Variants in AKAP13 observed in about 807,000 individuals in gnomAD.
AKAP13 encodes the protein A-kinase anchor protein 13.
AKAP13 carries 80 observed loss-of-function variants against 264.5 expected under a neutral mutation model. The ratio of observed to expected loss-of-function variants is 0.30; its 90% CI spans 0.25 to 0.36. AKAP13 has a LOEUF of 0.36. Ranked by LOEUF, AKAP13 falls within the 10% of genes least tolerant of loss-of-function variation. The pLI is 1.00. For synonymous variants in AKAP13, 1,380 were observed against 1,250.2 expected, an observed-to-expected ratio of 1.10 and a Z score of -2.19; for missense variants, 3,712 against 3,435.2, an observed-to-expected ratio of 1.08 and a Z score of -2.01.
rs555551831 is a variant in AKAP13, at chr15:85,515,841, CT to C, written c.34-5577del. On this transcript the variant is annotated intron_variant, in intron 2 of 36. Coordinates refer to ENST00000394518, the MANE Select transcript of AKAP13 (RefSeq NM_007200.5). ...GCTTATTTCTCTATGGTTATTTTTC[CT>C]TTTTTTTTTAAATCATTTGATTCAG... Among the ~76,000 whole-genome samples, 24 of 131,340 alleles carry C rather than the reference CT, an allele frequency of 1.8e-4. 1 individual carries two copies. Among genetic ancestry groups the C allele is most frequent in the Admixed American group, 7.7e-4 (10 of 13,042 alleles). 86.2% of individuals were successfully genotyped at this position (131,340 alleles called of 152,430 possible). A position where few individuals can be genotyped will look rare whatever the true frequency, so the allele number is the denominator to read the frequency against.
intron 1 of AKAP13, among the ~76,000 whole-genome samples, chr15:85,434,829 A>G (rs1377368269): frequency 6.7e-6 from 1 of 149,254 alleles, no homozygotes; most frequent in Non-Finnish European, 1.5e-5. Context: ...GTACATCACC[A>G]TCATCAAAGA....
intron 8 of AKAP13, among the ~76,000 whole-genome samples, chr15:85,626,768 T>C (rs1329338202): frequency 2.0e-5 from 3 of 152,216 alleles, no homozygotes; most frequent in Non-Finnish European, 2.9e-5. Context: ...AGAAGTGGAA[T>C]TGCTGGATCA....
At chr15:85,633,276 T>C (rs1225517512) in intron 8 of AKAP13, among the ~76,000 whole-genome samples, 3 of 151,712 alleles carry the variant, frequency 2.0e-5, no homozygotes, top group Non-Finnish European at 2.9e-5. Flanking sequence ...TCTTTACTTA[T>C]CACTAAAGAA....
At chr15:85,666,600 G>A (rs1350553921) in intron 13 of AKAP13, among the ~76,000 whole-genome samples, 1 of 152,138 alleles carries the variant, frequency 6.6e-6, no homozygotes, top group African/African-American at 2.4e-5. Flanking sequence ...CCATACTGGA[G>A]TGCAGTGGTG....
At position 85,718,250 on chromosome 15, in the gene AKAP13, T is replaced by C. The variant is rs2087068291; in HGVS notation, c.6001+91T>C. 5.4e-6 allele frequency: 8 copies of C among 1,471,498 alleles called. No homozygotes were observed. The highest frequency in any genetic ancestry group is 7.4e-6 in the Non-Finnish European group (8 of 1,077,842). The allele number at this position is 1,471,498 out of a possible 1,614,324, so 91.2% of individuals were successfully genotyped here. A position where few individuals can be genotyped will look rare whatever the true frequency, so the allele number is the denominator to read the frequency against. ...TTGTTGGACTATGAAAAATCAGTTTTTTAGTATGTGGCTTCTTGAAAAGAT... is the reference window on the plus strand; with the variant it reads ...TTGTTGGACTATGAAAAATCAGTTTCTTAGTATGTGGCTTCTTGAAAAGAT... On this transcript the variant is annotated intron_variant, in intron 22 of 36. Transcript: ENST00000394518. This position sits in a 1 kb window ranked among gnomAD's most constrained non-coding sequence, Gnocchi z 4.9.
chr15:85,498,776 G>A (rs1160624864), intron 2 of AKAP13, among the ~76,000 whole-genome samples: 1 of 152,136 alleles, frequency 6.6e-6, no homozygotes, highest in African/African-American at 2.4e-5. Context: ...CTGGCTCTTG[G>A]TGTGAGGTCC....
rs952593538 is a variant in AKAP13 at position 85,514,580 on chromosome 15, A to T, written c.34-6848A>T. Among the ~76,000 whole-genome samples, 5 of 138,208 alleles carry T rather than the reference A, an allele frequency of 3.6e-5. 1 individual carries two copies. The highest frequency in any genetic ancestry group is 7.7e-5 in the Non-Finnish European group (5 of 64,730). 90.7% of individuals were successfully genotyped at this position (138,208 alleles called of 152,430 possible). ...TTAGTGACCAATGCCTGTACACTAG[A>T]TAATATTCATTGCTACTGAGTGTTC... On this transcript the variant is annotated intron_variant, in intron 2 of 36. Transcript: ENST00000394518.
chr15:85,399,511 A>AAAAAAAAAT (rs2071293390), intron 1 of AKAP13, among the ~76,000 whole-genome samples: 1 of 76,494 alleles, frequency 1.3e-5, no homozygotes, highest in African/African-American at 4.0e-5. Flanking sequence ...TCAAAAAAAA[A>AAAAAAAAAT]AAAAAAAAAA....
At position 85,742,588 on chromosome 15, in the gene AKAP13, T is replaced by C. The variant is rs530202927; in HGVS notation, c.8059-904T>C. On this transcript the variant is annotated intron_variant, in intron 35 of 36. Transcript: ENST00000394518. The stretch of plus-strand genomic sequence containing the variant: ...CATAGTTCCTGATTTGCCTCTCTAC[T>C]GCTGATGAAAAACCTCTCTTTCTCT... Among the ~76,000 whole-genome samples the C allele has an allele frequency of 6.8e-4, 104 of 152,366 alleles. 1 individual carries two copies. The highest frequency in any genetic ancestry group is 2.4e-3 in the African/African-American group (101 of 41,584).
Position 85,615,076 on chromosome 15 carries a change from A to G in AKAP13, c.4162-24298A>G, listed in dbSNP as rs567142582. 2.6e-5 allele frequency among the ~76,000 whole-genome samples: 4 copies of G among 152,238 alleles called. No homozygotes were observed. The South Asian group carries it at 8.3e-4, about 32-fold the overall frequency. On this transcript the variant is annotated intron_variant, in intron 8 of 36. Coordinates refer to ENST00000394518, the MANE Select transcript of AKAP13 (RefSeq NM_007200.5). ...AATTTAACATTTGTGTGTATGATCCATGAGACCTTGTTCCTGTAAAGAGCA... is the reference window on the plus strand; with the variant it reads ...AATTTAACATTTGTGTGTATGATCCGTGAGACCTTGTTCCTGTAAAGAGCA...
intron 1 of AKAP13, among the ~76,000 whole-genome samples, chr15:85,451,362 C>T (rs1010134621): frequency 6.6e-6 from 1 of 152,122 alleles, no homozygotes; most frequent in Non-Finnish European, 1.5e-5. Flanking sequence ...GGCATTTAGC[C>T]TGTTTACATT....
At chr15:85,577,883 G>A in intron 6 of AKAP13, 1 of 938,896 alleles carries the variant, frequency 1.1e-6, no homozygotes, top group South Asian at 4.9e-5. Flanking sequence ...TAAGTATTTA[G>A]GGCACAGGCA....
chr15:85,604,812 C>A (rs912617742), intron 8 of AKAP13, among the ~76,000 whole-genome samples: 21 of 152,192 alleles, frequency 1.4e-4, no homozygotes, highest in African/African-American at 2.7e-4. Flanking sequence ...TGCATAGAGC[C>A]ATTAGAATTC....
At position 85,582,031 on chromosome 15, in the gene AKAP13, C is replaced by T; in HGVS notation, c.3963C>T (p.Ser1321=). 6.2e-7 allele frequency: 1 copy of T among 1,614,028 alleles called. No individual in the cohort carries two copies. The highest frequency in any genetic ancestry group is 8.5e-7 in the Non-Finnish European group (1 of 1,179,984). The change falls in exon 7 of 37, where the codon AGC becomes AGT. Residue 1321 remains serine (S), a synonymous_variant. Transcript: ENST00000394518. ...MGSTPEEATG[S]LAGCFAGREE... is the part of the protein sequence containing the mutation. ...GTACTCCTGAGGAAGCCACGGGGAG[C>T]CTTGCAGGATGTTTTGCTGGAAGGG...
At chr15:85,511,704 C>T (rs890439393) in intron 2 of AKAP13, among the ~76,000 whole-genome samples, 4 of 152,180 alleles carry the variant, frequency 2.6e-5, no homozygotes, top group Non-Finnish European at 4.4e-5. Flanking sequence ...TCATAGCTCA[C>T]TTAGTCTGCA....
intron 1 of AKAP13, among the ~76,000 whole-genome samples, chr15:85,419,939 T>G (rs940293174): frequency 7.3e-6 from 1 of 136,330 alleles, no homozygotes; most frequent in African/African-American, 2.7e-5. Context: ...ACTCTTGTTT[T>G]TTTTTTTTTT....
chr15:85,474,804 AT>A (rs562736753), intron 1 of AKAP13, among the ~76,000 whole-genome samples: 54 of 152,358 alleles, frequency 3.5e-4, no homozygotes, highest in African/African-American at 1.3e-3. Context: ...AAATTATAAC[AT>A]TGAAGACAAT....
Position 85,727,167 on chromosome 15 carries a change from A to C in AKAP13, c.6924A>C (p.Pro2308=), listed in dbSNP as rs75785836. The change falls in exon 28 of 37, where the codon CCA becomes CCC. Residue 2308 remains proline, a synonymous_variant. Coordinates refer to ENST00000394518, the MANE Select transcript of AKAP13 (RefSeq NM_007200.5). The surrounding 1 kb of genome is among the most constrained non-coding windows in gnomAD (Gnocchi z 5.3). ...TGATCAGCATGGGGATGACAGATCC[A>C]GAGATGGTAGAAGTCCATGCCAGCT... is the stretch of plus-strand genomic sequence containing the variant. ...LFLISMGMTD[P]EMVEVHASSK... is the part of the protein sequence containing the mutation. 1 of 1,614,108 alleles carries C rather than the reference A, an allele frequency of 6.2e-7. No homozygotes were observed. The highest frequency in any genetic ancestry group is 1.3e-5 in the African/African-American group (1 of 74,940).
intron 8 of AKAP13, among the ~76,000 whole-genome samples, chr15:85,600,545 T>C (rs1038872597): frequency 6.6e-6 from 1 of 152,218 alleles, no homozygotes; most frequent in Non-Finnish European, 1.5e-5. Context: ...TGCTGGGCCA[T>C]TTTTAATGTA....
Sources: gnomAD v4.1 joint callset for allele counts (sites outside exome capture counted in the v4.1 genomes callset) on GRCh38, gnomAD v4.1.1 for gene constraint, Gnocchi (gnomAD v3.1) non-coding constraint, MANE v1.5 for transcripts, NCBI Gene and HGNC (gene_info 2026-07-23, HGNC 2026-07-21) for gene names.